Variants in GPC3 observed in about 807,000 individuals in gnomAD.
The protein encoded by GPC3 is glypican 3.
In GPC3, 3 loss-of-function variants were observed where a neutral mutation model predicts 34.4. That is an observed-to-expected ratio of 0.09 (90% confidence interval 0.04 to 0.23). The LOEUF (loss-of-function observed/expected upper bound fraction) is 0.23, where lower values mean the gene tolerates loss of function less well. Among genes scored for constraint, GPC3 ranks in the 10% least tolerant of loss-of-function variants. GPC3 has a pLI of 1.00. For synonymous variants in GPC3, 177 were observed against 174.0 expected (o/e 1.02, Z -0.13); for missense variants, 351 against 445.6 (o/e 0.79, Z 1.91).
intron 2 of GPC3, among the ~76,000 whole-genome samples, chrX:133,931,468 G>T (rs2076298068): frequency 9.0e-6 from 1 of 111,234 alleles, no homozygotes; most frequent in African/African-American, 3.3e-5. Flanking sequence ...ACAGGACTTG[G>T]TGACCACTGG....
intron 1 of GPC3, among the ~76,000 whole-genome samples, chrX:133,962,277 T>C (rs955389434): frequency 8.9e-6 from 1 of 112,196 alleles, no homozygotes; most frequent in Admixed American, 9.4e-5. Context: ...CTCTCCATAT[T>C]GCAACAAAGT....
At chrX:133,962,760 A>G (rs1414094484) in intron 1 of GPC3, among the ~76,000 whole-genome samples, 1 of 111,631 alleles carries the variant, frequency 9.0e-6, no homozygotes, top group Non-Finnish European at 1.9e-5. Flanking sequence ...TATTTTTCAG[A>G]TACAATCTTT....
At chrX:133,979,094 G>A (rs2076527985) in intron 1 of GPC3, among the ~76,000 whole-genome samples, 1 of 112,136 alleles carries the variant, frequency 8.9e-6, no homozygotes, top group South Asian at 3.7e-4. Context: ...GCTGGACGGT[G>A]GAAGTTTCTT....
At chrX:133,763,524 T>C (rs760534594) in intron 2 of GPC3, 45 of 550,932 alleles carry the variant, frequency 8.2e-5, no homozygotes, top group Admixed American at 3.6e-4. Context: ...CTACTCAGCC[T>C]GAGGTGACAG....
intron 2 of GPC3, among the ~76,000 whole-genome samples, chrX:133,804,459 A>G (rs748451172): frequency 5.3e-4 from 58 of 110,374 alleles, no homozygotes; most frequent in Admixed American, 1.7e-3. Flanking sequence ...AAGATTCCTC[A>G]ATCTCTCCCC....
intron 5 of GPC3, among the ~76,000 whole-genome samples, chrX:133,684,709 T>C (rs761363460): frequency 9.0e-6 from 1 of 111,025 alleles, no homozygotes; most frequent in African/African-American, 3.3e-5. Flanking sequence ...AAAGCCACCC[T>C]ATAAATTAAA....
chrX:133,556,547 T>G (rs2069490367), intron 7 of GPC3, among the ~76,000 whole-genome samples: 1 of 110,167 alleles, frequency 9.1e-6, no homozygotes, highest in Non-Finnish European at 1.9e-5. Context: ...GTGAATATCC[T>G]AGAACATACC....
chrX:133,548,178 G>T (rs2069403739), intron 7 of GPC3, among the ~76,000 whole-genome samples: 1 of 111,947 alleles, frequency 8.9e-6, no homozygotes, highest in African/African-American at 3.3e-5. Flanking sequence ...CAGCTACAGA[G>T]GTATGCATCA....
At chrX:133,983,217 T>C (rs1348729189) in intron 1 of GPC3, among the ~76,000 whole-genome samples, 5 of 112,678 alleles carry the variant, frequency 4.4e-5, no homozygotes, top group Non-Finnish European at 9.4e-5. Context: ...AGTGTTTGTG[T>C]TTGTTAAATA....
chrX:133,550,096 A>G (rs2069422208), intron 7 of GPC3, among the ~76,000 whole-genome samples: 1 of 105,966 alleles, frequency 9.4e-6, no homozygotes, highest in Admixed American at 1.0e-4. Flanking sequence ...GCTCATTGCA[A>G]CCTCTGCCTC....
At chrX:133,950,835 T>C (rs1227470587) in intron 2 of GPC3, among the ~76,000 whole-genome samples, 1 of 111,417 alleles carries the variant, frequency 9.0e-6, no homozygotes, top group Non-Finnish European at 1.9e-5. Flanking sequence ...TGCCTTGAGG[T>C]CTGGGATCAT....
intron 7 of GPC3, among the ~76,000 whole-genome samples, chrX:133,555,522 T>C (rs777969214): frequency 3.6e-5 from 4 of 111,866 alleles, no homozygotes; most frequent in African/African-American, 1.3e-4. Flanking sequence ...CTCTCAGGCA[T>C]TTCAGACTCA....
intron 2 of GPC3, among the ~76,000 whole-genome samples, chrX:133,800,685 G>T (rs1323269837): frequency 8.9e-6 from 1 of 111,850 alleles, no homozygotes; most frequent in Non-Finnish European, 1.9e-5. Context: ...AAATAGAAAA[G>T]TTCTTAAGTA....
chrX:133,855,478 T>A (rs769293208), intron 2 of GPC3, among the ~76,000 whole-genome samples: 179 of 107,533 alleles, frequency 1.7e-3, no homozygotes, highest in Non-Finnish European at 3.0e-3. Context: ...ATTTTCCTTT[T>A]TTAAAATAAA....
chrX:133,682,512 A>G (rs996599803), intron 5 of GPC3, among the ~76,000 whole-genome samples: 3 of 111,666 alleles, frequency 2.7e-5, no homozygotes, highest in African/African-American at 9.8e-5. Flanking sequence ...GACAACATCA[A>G]CACCAGCTAT....
chrX:133,819,748 A>G (rs1249746984), intron 2 of GPC3, among the ~76,000 whole-genome samples: 1 of 111,781 alleles, frequency 8.9e-6, no homozygotes, highest in Non-Finnish European at 1.9e-5. Flanking sequence ...AATCAATAGC[A>G]GGCTAAGTGA....
chrX:133,698,258 T>C (rs1413239719), intron 4 of GPC3, among the ~76,000 whole-genome samples: 1 of 112,128 alleles, frequency 8.9e-6, no homozygotes, highest in Non-Finnish European at 1.9e-5. Context: ...AGTGAAGATC[T>C]GATTTCTTCT....
chrX:133,985,173 G>T, intron 1 of GPC3, 102 bp downstream of exon 1: 1 of 918,916 alleles, frequency 1.1e-6, no homozygotes, highest in Non-Finnish European at 1.5e-6. Context: ...GCTGCAGGGC[G>T]CACGACTACA....
chrX:133,743,609 G>A (rs1484137042), intron 3 of GPC3, among the ~76,000 whole-genome samples: 1 of 112,018 alleles, frequency 8.9e-6, no homozygotes, highest in African/African-American at 3.2e-5. Flanking sequence ...AAATCACAGT[G>A]TATATGACTC....
Sources: allele counts gnomAD v4.1 joint callset (sites outside exome capture counted in the v4.1 genomes callset), GRCh38; gene constraint gnomAD v4.1.1; transcripts MANE v1.5; gene names NCBI Gene and HGNC (gene_info 2026-07-23, HGNC 2026-07-21).